C9orf85: variants seen among roughly 807,000 people sequenced by gnomAD.
The protein encoded by C9orf85 is chromosome 9 open reading frame 85.
A neutral mutation model predicts 14.9 loss-of-function variants in C9orf85; 16 were observed. The ratio of observed to expected loss-of-function variants is 1.08; its 90% CI spans 0.73 to 1.63. The LOEUF (loss-of-function observed/expected upper bound fraction) is 1.63. Among genes scored for constraint, C9orf85 ranks in the 40% most tolerant of loss-of-function variants. The pLI is 0.00. For synonymous variants in C9orf85, 45 were observed against 56.8 expected, an observed-to-expected ratio of 0.79 and a Z score of 0.93; for missense variants, 172 against 186.1, an observed-to-expected ratio of 0.92 and a Z score of 0.44.
downstream of C9orf85, chr9:71,986,030 A>G (rs1454720777): frequency 1.3e-5 from 2 of 152,262 alleles, no homozygotes; most frequent in African/African-American, 2.4e-5. Context: ...TATATTTACA[A>G]TAAAATACTC....
chr9:71,977,322 C>T (rs1263688045), downstream of C9orf85, among the ~76,000 whole-genome samples: 1 of 152,114 alleles, frequency 6.6e-6, no homozygotes, highest in Non-Finnish European at 1.5e-5. Flanking sequence ...CCAGCTGATA[C>T]CTCAGCAAGT....
chr9:71,959,135 CTTTTT>C (rs1035865814), intron 2 of C9orf85, among the ~76,000 whole-genome samples: 1 of 145,154 alleles, frequency 6.9e-6, no homozygotes, highest in African/African-American at 2.5e-5. Context: ...ACATTTTCTT[CTTTTT>C]TTTTTTTCTT....
intron 2 of C9orf85, among the ~76,000 whole-genome samples, chr9:71,963,413 CCT>C (rs1480346166): frequency 3.9e-5 from 6 of 152,146 alleles, no homozygotes; most frequent in African/African-American, 1.4e-4. Flanking sequence ...CTCGGTGCCT[CCT>C]CTGCCTGGGC....
At chr9:71,918,506 G>T (rs977377503) in intron 1 of C9orf85, 34 of 1,202,834 alleles carry the variant, frequency 2.8e-5, no homozygotes, top group Middle Eastern at 4.4e-4. Context: ...CCCCCGCATC[G>T]GTCCATGGCC....
intron 2 of C9orf85, 149 bp downstream of exon 2, chr9:71,947,261 G>A: frequency 1.7e-6 from 1 of 572,046 alleles, no homozygotes. Context: ...CATCTTGTGT[G>A]CTGAATCTTG....
chr9:71,973,527 G>A (rs866367292), downstream of C9orf85: 13 of 151,994 alleles, frequency 8.6e-5, no homozygotes, highest in East Asian at 1.9e-4. Flanking sequence ...TTTAACAAGC[G>A]TATAGCAATT....
At chr9:71,981,925 C>G (rs1823104179) in intron 3 of C9orf85, among the ~76,000 whole-genome samples, 1 of 152,102 alleles carries the variant, frequency 6.6e-6, no homozygotes, top group African/African-American at 2.4e-5. Context: ...ATGTGTAAGA[C>G]TCACCAATTT....
At chr9:71,915,807 G>A (rs775351442) in intron 1 of C9orf85, among the ~76,000 whole-genome samples, 3 of 152,170 alleles carry the variant, frequency 2.0e-5, no homozygotes, top group Non-Finnish European at 4.4e-5. Flanking sequence ...AGAACAGAAA[G>A]ATTAAGCTTA....
At chr9:71,943,506 G>A in intron 1 of C9orf85, among the ~76,000 whole-genome samples, 1 of 151,874 alleles carries the variant, frequency 6.6e-6, no homozygotes, top group East Asian at 1.9e-4. Flanking sequence ...ACCTTCTTGG[G>A]AGTTGAAGTC....
At chr9:71,965,846 A>G (rs780457970) in intron 2 of C9orf85, among the ~76,000 whole-genome samples, 23 of 152,224 alleles carry the variant, frequency 1.5e-4, no homozygotes, top group Non-Finnish European at 2.5e-4. Context: ...GTTGTGGTAT[A>G]TGTATGGTCA....
At chr9:71,931,002 T>A (rs1246953130) in intron 1 of C9orf85, among the ~76,000 whole-genome samples, 1 of 152,080 alleles carries the variant, frequency 6.6e-6, no homozygotes, top group Non-Finnish European at 1.5e-5. Flanking sequence ...TTCGAGGTGT[T>A]TAGATTTGGC....
At chr9:71,951,527 G>A (rs746093857) in intron 2 of C9orf85, among the ~76,000 whole-genome samples, 16 of 152,106 alleles carry the variant, frequency 1.1e-4, no homozygotes, top group Non-Finnish European at 1.9e-4. Context: ...CATTTCTTAA[G>A]GCCAGTACCT....
chr9:71,940,044 A>C (rs1308706790), intron 1 of C9orf85, among the ~76,000 whole-genome samples: 1 of 152,084 alleles, frequency 6.6e-6, no homozygotes, highest in Non-Finnish European at 1.5e-5. Flanking sequence ...GAAAGAAAAA[A>C]ATTGATAAAT....
At chr9:71,970,155 C>T (rs908438174) in intron 2 of C9orf85, among the ~76,000 whole-genome samples, 1 of 152,060 alleles carries the variant, frequency 6.6e-6, no homozygotes, top group Non-Finnish European at 1.5e-5. Context: ...ACCATGTTGG[C>T]CAGGCTAGTC....
chr9:71,972,636 A>C, intron 3 of C9orf85, 56 bp from the exon 4 acceptor site: 1 of 1,330,042 alleles, frequency 7.5e-7, no homozygotes, highest in Non-Finnish European at 1.0e-6. Flanking sequence ...TTCAATCTAC[A>C]TGGTTAAATA....
chr9:71,956,623 CTT>C (rs1341990781), intron 2 of C9orf85, among the ~76,000 whole-genome samples: 1 of 152,058 alleles, frequency 6.6e-6, no homozygotes, highest in African/African-American at 2.4e-5. Flanking sequence ...AAATCTGAAA[CTT>C]TTTGAGTGCC....
At chr9:71,912,616 G>C (rs550414359) in intron 1 of C9orf85, among the ~76,000 whole-genome samples, 2 of 151,996 alleles carry the variant, frequency 1.3e-5, no homozygotes, top group East Asian at 3.9e-4. Context: ...GCGTGGTGGC[G>C]GGCGCTTGTA....
chr9:71,927,455 G>A (rs1431000894), intron 1 of C9orf85, among the ~76,000 whole-genome samples: 1 of 151,906 alleles, frequency 6.6e-6, no homozygotes, highest in African/African-American at 2.4e-5. Flanking sequence ...AAATCTTTTA[G>A]AAGAAAAAAA....
At chr9:71,932,309 C>G (rs1828089666) in intron 1 of C9orf85, among the ~76,000 whole-genome samples, 1 of 152,124 alleles carries the variant, frequency 6.6e-6, no homozygotes, top group South Asian at 2.1e-4. Flanking sequence ...TGAATTCTTT[C>G]TTGGCATTAA....
Sources: allele counts gnomAD v4.1 joint callset (sites outside exome capture counted in the v4.1 genomes callset), GRCh38; gene constraint gnomAD v4.1.1; transcripts MANE v1.5; gene names NCBI Gene and HGNC (gene_info 2026-07-23, HGNC 2026-07-21).